DNAH12: variants seen among roughly 807,000 people sequenced by gnomAD.
DNAH12 encodes axonemal beta dynein heavy chain 12.
Under a neutral mutation model 371.5 loss-of-function variants are expected in DNAH12, and 285 were observed. The ratio of observed to expected loss-of-function variants is 0.77; its 90% CI spans 0.70 to 0.85. The LOEUF is 0.85. DNAH12 is among the 40% of genes least tolerant of loss of function. The pLI is 0.00. For missense variants in DNAH12, 3,611 were observed against 3,689.4 expected (o/e 0.98, Z 0.55); for synonymous variants, 1,200 against 1,213.0 (o/e 0.99, Z 0.22).
intron 55 of DNAH12, among the ~76,000 whole-genome samples, chr3:57,368,817 G>T (rs1463980860): frequency 6.6e-6 from 1 of 152,126 alleles, no homozygotes; most frequent in Non-Finnish European, 1.5e-5. Context: ...GTTCAGATGT[G>T]TAATATATGA....
At chr3:57,330,763 G>C (rs1347733428) in intron 62 of DNAH12, among the ~76,000 whole-genome samples, 1 of 150,908 alleles carries the variant, frequency 6.6e-6, no homozygotes, top group East Asian at 1.9e-4. Context: ...CTGAGGAAGA[G>C]GACCTTTTGC....
At chr3:57,381,333 CA>C (rs1435422692) in intron 50 of DNAH12, among the ~76,000 whole-genome samples, 49 of 139,778 alleles carry the variant, frequency 3.5e-4, no homozygotes, top group Middle Eastern at 3.7e-3. Flanking sequence ...ACAGAATGGC[CA>C]AAAAAAAAAA....
chr3:57,386,168 AAATT>A (rs1270265177), intron 47 of DNAH12, among the ~76,000 whole-genome samples: 1 of 152,154 alleles, frequency 6.6e-6, no homozygotes, highest in Non-Finnish European at 1.5e-5. Flanking sequence ...AAATGGTAAA[AAATT>A]AATTAAAAAT....
At chr3:57,501,673 A>G (rs1457088621) in intron 10 of DNAH12, among the ~76,000 whole-genome samples, 2 of 152,212 alleles carry the variant, frequency 1.3e-5, no homozygotes, top group Non-Finnish European at 2.9e-5. Context: ...AATTAATAGA[A>G]GATATTGGTT....
intron 2 of DNAH12, among the ~76,000 whole-genome samples, chr3:57,526,915 A>T (rs2068667526): frequency 1.3e-5 from 2 of 150,304 alleles, no homozygotes; most frequent in East Asian, 3.9e-4. Context: ...GCTCACTGCA[A>T]CCTCCGCCTC....
intron 69 of DNAH12, among the ~76,000 whole-genome samples, chr3:57,306,256 T>A (rs983204805): frequency 3.3e-5 from 5 of 152,072 alleles, no homozygotes; most frequent in Non-Finnish European, 7.4e-5. Context: ...TCTTAATCAA[T>A]ACAGAGGCTA....
intron 62 of DNAH12, among the ~76,000 whole-genome samples, chr3:57,333,918 G>C (rs1229069491): frequency 1.3e-5 from 2 of 152,118 alleles, no homozygotes; most frequent in East Asian, 1.9e-4. Context: ...GGAATTAGTA[G>C]TCACTAATTT....
rs370048249 is a variant in DNAH12 at position 57,449,493 on chromosome 3, G to A, written c.3787-2804C>T. ...CTGCAGGTCCCGAGCCATGCCCGGC[G>A]GGAAGGCAGCTAAGGCCCGGTGAGA... On this transcript the variant is annotated intron_variant, in intron 25 of 73. Coordinates refer to ENST00000495027, the MANE Select transcript of DNAH12 (RefSeq NM_001366028.2). 3.0e-4 allele frequency among the ~76,000 whole-genome samples: 45 copies of A among 152,336 alleles called. No homozygotes were observed. The East Asian group carries it at 4.1e-3, about 14-fold the overall frequency.
intron 39 of DNAH12, among the ~76,000 whole-genome samples, chr3:57,409,713 T>C (rs1159649788): frequency 2.0e-5 from 3 of 152,080 alleles, no homozygotes; most frequent in East Asian, 1.9e-4. Context: ...CTGTAAAATA[T>C]GACTTAGCTT....
At chr3:57,294,899 G>A (rs1260835755) in intron 73 of DNAH12, among the ~76,000 whole-genome samples, 1 of 152,218 alleles carries the variant, frequency 6.6e-6, no homozygotes, top group Non-Finnish European at 1.5e-5. Flanking sequence ...GTTGGATGGT[G>A]ATTCTGGGTG....
rs2066285857 is a variant in DNAH12 at position 57,468,999 on chromosome 3, AT to A, written c.2106-21del. 2 of 1,511,942 alleles carry A rather than the reference AT, an allele frequency of 1.3e-6. No individual in the cohort carries two copies. The highest frequency in any genetic ancestry group is 1.3e-5 in the South Asian group (1 of 75,352). The allele number at this position is 1,511,942 out of a possible 1,614,324, so 93.7% of individuals were successfully genotyped here. A position where few individuals can be genotyped will look rare whatever the true frequency, so the allele number is the denominator to read the frequency against. ...ATCCACCTGAATGGAAAGAAAAAATATTATTAAACTCAGACTTTTGAAGTTT... is the reference window on the plus strand; with the variant it reads ...ATCCACCTGAATGGAAAGAAAAAATATATTAAACTCAGACTTTTGAAGTTT... On this transcript the variant is annotated intron_variant, in intron 16 of 73. Transcript: ENST00000495027.
In DNAH12 at chr3:57,310,710, T is replaced by G. The variant is rs6773057; in HGVS notation, c.10896+7A>C. The G allele has an allele frequency of 8.4e-3, 12,846 of 1,535,874 alleles. 87 individuals are homozygous for G. Among genetic ancestry groups the G allele is most frequent in the Non-Finnish European group, 0.01 (11,650 of 1,133,462 alleles). ...TAATCTAACCTTATTTTTGGTGACA[T>G]CATTACCTTAATGAATTCAATGTAG... is the stretch of plus-strand genomic sequence containing the variant. On this transcript the variant is annotated splice_region_variant and intron_variant, in intron 67 of 73. Coordinates refer to ENST00000495027, the MANE Select transcript of DNAH12 (RefSeq NM_001366028.2).
At chr3:57,542,565 A>T in intron 2 of DNAH12, 136 bp downstream of exon 2, 1 of 993,536 alleles carries the variant, frequency 1.0e-6, no homozygotes, top group Admixed American at 3.1e-5. Context: ...TTACTTTTCA[A>T]TTGTTTTTCT....
intron 17 of DNAH12, among the ~76,000 whole-genome samples, chr3:57,467,832 T>C (rs1277016947): frequency 6.6e-6 from 1 of 152,110 alleles, no homozygotes. Context: ...ATTCACCACC[T>C]AACCAGCCTT....
intron 30 of DNAH12, 36 bp from the exon 31 acceptor site, chr3:57,433,864 CT>C (rs1301888782): frequency 9.8e-6 from 14 of 1,433,732 alleles, no homozygotes; most frequent in Non-Finnish European, 1.3e-5. Context: ...CAATAAGAGT[CT>C]TTAAAGAGTT....
the DNAH12 span, among the ~76,000 whole-genome samples, chr3:57,551,768 T>C: frequency 1.3e-5 from 2 of 151,442 alleles, no homozygotes; most frequent in African/African-American, 2.4e-5. Context: ...AATCCAAATA[T>C]ATTTAGCTTT....
At chr3:57,477,656 T>C (rs1398639997) in intron 13 of DNAH12, among the ~76,000 whole-genome samples, 1 of 152,130 alleles carries the variant, frequency 6.6e-6, no homozygotes, top group African/African-American at 2.4e-5. Flanking sequence ...CCGAGTAGCC[T>C]AACTGGGAGG....
chr3:57,500,895 A>T (rs2067518936), intron 11 of DNAH12, among the ~76,000 whole-genome samples: 1 of 152,166 alleles, frequency 6.6e-6, no homozygotes, highest in Non-Finnish European at 1.5e-5. Context: ...AAGAAGGACT[A>T]CAGGCATGCA....
In DNAH12 at chr3:57,470,050, G is replaced by A. The variant is rs1033927861; in HGVS notation, c.2105+393C>T. Among the ~76,000 whole-genome samples the A allele has an allele frequency of 2.6e-5, 4 of 152,018 alleles. No individual in the cohort carries two copies. In the East Asian group the frequency reaches 5.8e-4, roughly 22 times the overall value. ...TGACTCCATACTTCTAATTTTGGGG[G>A]TAAACATTAGTGAAATTAATCTATT... On this transcript the variant is annotated intron_variant, in intron 16 of 73. Transcript: ENST00000495027.
Sources: gnomAD v4.1 joint callset for allele counts (sites outside exome capture counted in the v4.1 genomes callset) on GRCh38, gnomAD v4.1.1 for gene constraint, MANE v1.5 for transcripts, NCBI Gene and HGNC (gene_info 2026-07-23, HGNC 2026-07-21) for gene names.